RCC1: variants seen among roughly 807,000 people sequenced by gnomAD.
RCC1 encodes regulator of chromosome condensation.
In RCC1, 11 loss-of-function variants were observed where a neutral mutation model predicts 44.4. That is an observed-to-expected ratio of 0.25 (90% CI 0.16 to 0.41). The LOEUF is 0.41. RCC1 is among the 10% of genes least tolerant of loss of function. The pLI is 1.00. For synonymous variants in RCC1, 213 were observed against 216.5 expected (o/e 0.98, Z 0.14); for missense variants, 386 against 547.1 (o/e 0.71, Z 2.94).
At chr1:28,510,032 GC>G (rs1662390285) in intron 3 of RCC1, 1 of 152,198 alleles carries the variant, frequency 6.6e-6, no homozygotes, top group Non-Finnish European at 1.5e-5. Flanking sequence ...ACTTTGTCAA[GC>G]CCCCTGCACT....
intron 4 of RCC1, among the ~76,000 whole-genome samples, chr1:28,523,166 G>C (rs937135679): frequency 2.6e-5 from 4 of 151,112 alleles, no homozygotes; most frequent in African/African-American, 9.7e-5. Context: ...CGAGTAGCTA[G>C]GACTACAAGC....
At chr1:28,510,321 G>A (rs1186826563) in intron 3 of RCC1, 1 of 152,230 alleles carries the variant, frequency 6.6e-6, no homozygotes, top group South Asian at 2.1e-4. Context: ...AAGCTAAGAG[G>A]AGTGAGGCAG....
intron 3 of RCC1, chr1:28,510,629 T>C (rs1301084368): frequency 6.6e-6 from 1 of 152,228 alleles, no homozygotes; most frequent in Non-Finnish European, 1.5e-5. Flanking sequence ...AGCAATTGTA[T>C]TTGTGCTTAC....
In RCC1 at chr1:28,536,474, G is replaced by C. The variant is rs1570227722; in HGVS notation, c.937+93G>C. 6.7e-7 allele frequency: 1 copy of C among 1,487,924 alleles called. No individual in the cohort carries two copies. Among genetic ancestry groups the C allele is most frequent in the Non-Finnish European group, 9.1e-7 (1 of 1,104,420 alleles). 92.2% of individuals were successfully genotyped at this position (1,487,924 alleles called of 1,614,324 possible). ...CTGAGACCATGGTCCTTGGAGCCTGGGTCTGTTCCATGGGTTGTACCATAC... is the reference window on the plus strand; with the variant it reads ...CTGAGACCATGGTCCTTGGAGCCTGCGTCTGTTCCATGGGTTGTACCATAC... On this transcript the variant is annotated intron_variant, in intron 11 of 12. Transcript: ENST00000683442. The surrounding 1 kb of genome is among the most constrained non-coding windows in gnomAD (Gnocchi z 4.9).
At chr1:28,507,600 CTTTTTTTT>C (rs34452349) in intron 1 of RCC1, 98 of 348,054 alleles carry the variant, frequency 2.8e-4, no homozygotes, top group African/African-American at 2.2e-3. Flanking sequence ...GGATTGAAGT[CTTTTTTTT>C]TTTTTTTTTT....
intron 7 of RCC1, among the ~76,000 whole-genome samples, chr1:28,533,060 C>T (rs971128813): frequency 2.0e-5 from 3 of 152,078 alleles, no homozygotes; most frequent in East Asian, 1.9e-4. Context: ...GTGATCCACC[C>T]GCCTCAGCCT....
chr1:28,519,163 AGTGG>A (rs1358081237), intron 4 of RCC1, among the ~76,000 whole-genome samples: 1 of 152,110 alleles, frequency 6.6e-6, no homozygotes, highest in Non-Finnish European at 1.5e-5. Flanking sequence ...GTCTGAGGGT[AGTGG>A]GATTAGGGTG....
intron 5 of RCC1, among the ~76,000 whole-genome samples, chr1:28,530,181 A>T (rs1158109684): frequency 6.7e-6 from 1 of 148,658 alleles, no homozygotes; most frequent in Non-Finnish European, 1.5e-5. Context: ...AAAAAACTAG[A>T]CCCTAGGGCT....
At chr1:28,508,430 G>A (rs1662208613) in intron 2 of RCC1, 1 of 394,488 alleles carries the variant, frequency 2.5e-6, no homozygotes. Flanking sequence ...CTAGTGAACT[G>A]TAGGAAGCCT....
At chr1:28,524,767 G>C (rs766944377) in intron 4 of RCC1, among the ~76,000 whole-genome samples, 1 of 151,954 alleles carries the variant, frequency 6.6e-6, no homozygotes, top group Non-Finnish European at 1.5e-5. Context: ...GCTCAAGCCC[G>C]GGTGGTTGAG....
At chr1:28,506,221 C>A in intron 1 of RCC1, 137 bp downstream of exon 1, 1 of 423,782 alleles carries the variant, frequency 2.4e-6, no homozygotes, top group Non-Finnish European at 4.6e-6. Context: ...TTTTTTGAGA[C>A]GGAGTCGGTT....
chr1:28,519,201 G>C (rs1474241109), intron 4 of RCC1, among the ~76,000 whole-genome samples: 3 of 152,168 alleles, frequency 2.0e-5, no homozygotes, highest in Non-Finnish European at 4.4e-5. Context: ...GATTGCACGT[G>C]CAACGGCATG....
At chr1:28,532,446 A>G in intron 7 of RCC1, 96 bp downstream of exon 7, 1 of 1,345,784 alleles carries the variant, frequency 7.4e-7, no homozygotes, top group Non-Finnish European at 1.0e-6. Context: ...CATGGTACTT[A>G]CTGGTGGGGA....
intron 4 of RCC1, chr1:28,527,028 G>T: frequency 1.2e-6 from 1 of 821,418 alleles, no homozygotes; most frequent in Non-Finnish European, 2.2e-6. Flanking sequence ...TAGGGCGCAT[G>T]CTGGGTGACA....
chr1:28,532,104 G>A, intron 6 of RCC1, 67 bp from the exon 7 acceptor site: 1 of 1,579,534 alleles, frequency 6.3e-7, no homozygotes, highest in East Asian at 2.3e-5. Flanking sequence ...AGTCAAGTGG[G>A]GAGTGGCCTA....
intron 3 of RCC1, among the ~76,000 whole-genome samples, chr1:28,511,976 CTTTTT>C (rs36018995): frequency 7.0e-5 from 7 of 99,496 alleles, no homozygotes; most frequent in Non-Finnish European, 1.1e-4. Flanking sequence ...AAGCCTGATC[CTTTTT>C]TTTTTTTTTT....
intron 7 of RCC1, chr1:28,532,648 C>T (rs770341972): frequency 2.0e-6 from 1 of 511,578 alleles, no homozygotes. Context: ...ATCTCCCTGA[C>T]TTCTGTCTCC....
rs1161887609 is a variant in RCC1 at position 28,508,792 on chromosome 1, G to T, written c.-228-38G>T. On this transcript the variant is annotated intron_variant, in intron 2 of 12. Coordinates refer to ENST00000683442, the MANE Select transcript of RCC1 (RefSeq NM_001381865.2). ...TATACTAGATTTTAAGTTGAAGTAGGATCTTCAGGAGTCTAATCATTATTT... is the reference window on the plus strand; with the variant it reads ...TATACTAGATTTTAAGTTGAAGTAGTATCTTCAGGAGTCTAATCATTATTT... The T allele has an allele frequency of 5.8e-6, 3 of 518,428 alleles. No homozygotes were observed. In the Admixed American group the frequency reaches 5.8e-5, roughly 10 times the overall value. 32.1% of individuals were successfully genotyped at this position (518,428 alleles called of 1,614,324 possible).
intron 7 of RCC1, among the ~76,000 whole-genome samples, chr1:28,533,187 T>C (rs1664287298): frequency 1.3e-5 from 2 of 151,932 alleles, no homozygotes; most frequent in Admixed American, 1.3e-4. Context: ...GTAATCAGAA[T>C]TGGGCTGGGC....
Sources: allele counts gnomAD v4.1 joint callset (sites outside exome capture counted in the v4.1 genomes callset), GRCh38; gene constraint gnomAD v4.1.1; non-coding constraint Gnocchi (gnomAD v3.1); transcripts MANE v1.5; gene names NCBI Gene and HGNC (gene_info 2026-07-23, HGNC 2026-07-21).